The following EXD3 variants were observed in gnomAD, a reference collection of about 807,000 sequenced individuals.
EXD3 encodes exonuclease 3'-5' domain containing 3, also known as exonuclease mut-7 homolog.
A neutral mutation model predicts 98.0 loss-of-function variants in EXD3; 92 were observed. That is an observed-to-expected ratio of 0.94 (90% CI 0.79 to 1.12). The LOEUF is 1.12. Ranked by LOEUF, EXD3 falls within the 50% of genes most tolerant of loss-of-function variation. The probability of loss-of-function intolerance (pLI) is 0.00; values close to 1 mark genes in which losing one functional copy is unlikely to be tolerated. For missense variants in EXD3, 1,222 were observed against 1,191.6 expected (o/e 1.03, Z -0.38); for synonymous variants, 569 against 526.0 (o/e 1.08, Z -1.12).
At chr9:137,410,237 C>G (rs1186209070) in intron 1 of EXD3, among the ~76,000 whole-genome samples, 1 of 151,604 alleles carries the variant, frequency 6.6e-6, no homozygotes, top group Non-Finnish European at 1.5e-5. Context: ...GCAATCCTAG[C>G]ACTGTGGGAG....
chr9:137,378,529 CAG>C (rs1011402550), intron 3 of EXD3, among the ~76,000 whole-genome samples: 3 of 152,140 alleles, frequency 2.0e-5, no homozygotes, highest in Non-Finnish European at 2.9e-5. Flanking sequence ...GATTTAAAAA[CAG>C]GGGCTCACGC....
Position 137,402,550 on chromosome 9 carries a change from C to G in EXD3, c.-47-7146G>C, listed in dbSNP as rs558766070. On this transcript the variant is annotated intron_variant, in intron 1 of 21. Coordinates refer to ENST00000340951, the MANE Select transcript of EXD3 (RefSeq NM_017820.5). ...CCATCTCAGCCTGGACATTATTGTTCATAACACTATCAGCATTTTTGTCAA... is the reference window on the plus strand; with the variant it reads ...CCATCTCAGCCTGGACATTATTGTTGATAACACTATCAGCATTTTTGTCAA... Among the ~76,000 whole-genome samples, 24 of 152,310 alleles carry G rather than the reference C, an allele frequency of 1.6e-4. No individual in the cohort carries two copies. The East Asian group carries it at 4.4e-3, about 28-fold the overall frequency.
intron 1 of EXD3, among the ~76,000 whole-genome samples, chr9:137,404,430 G>A (rs1205728702): frequency 2.0e-5 from 3 of 152,186 alleles, no homozygotes; most frequent in South Asian, 4.1e-4. Context: ...AGCAGGTCTC[G>A]TCCCAGTCTC....
At chr9:137,397,781 A>G (rs891840894) in intron 1 of EXD3, among the ~76,000 whole-genome samples, 1 of 152,126 alleles carries the variant, frequency 6.6e-6, no homozygotes, top group Non-Finnish European at 1.5e-5. Flanking sequence ...AAACTGTACA[A>G]AAAAATTAAA....
At chr9:137,396,628 G>C (rs563292930) in intron 1 of EXD3, among the ~76,000 whole-genome samples, 1 of 152,098 alleles carries the variant, frequency 6.6e-6, no homozygotes, top group Non-Finnish European at 1.5e-5. Flanking sequence ...CGGCCAACAC[G>C]CACCCCTAAA....
At chr9:137,313,193 A>G (rs955942148) in intron 19 of EXD3, among the ~76,000 whole-genome samples, 27 of 152,270 alleles carry the variant, frequency 1.8e-4, no homozygotes, top group African/African-American at 6.0e-4. Context: ...TGCCAGGGCC[A>G]CAGCATGTGG....
rs1477914156 is a variant in EXD3 at position 137,352,320 on chromosome 9, TC to T, written c.1038-120del. Reference sequence around the variant, plus strand: ...TGGGGGCATCTCAGGTCCTGGCTCCTCCTCCCACACCGGCTCAGTCCAGCCC... The same window carrying T: ...TGGGGGCATCTCAGGTCCTGGCTCCTCTCCCACACCGGCTCAGTCCAGCCC... On this transcript the variant is annotated intron_variant, in intron 11 of 21. Coordinates refer to ENST00000340951, the MANE Select transcript of EXD3 (RefSeq NM_017820.5). The T allele has an allele frequency of 4.2e-5, 59 of 1,398,334 alleles. 1 individual carries two copies. Among genetic ancestry groups the T allele is most frequent in the Non-Finnish European group, 4.9e-6 (5 of 1,017,862 alleles). The allele number at this position is 1,398,334 out of a possible 1,614,324, so 86.6% of individuals were successfully genotyped here.
Position 137,324,071 on chromosome 9 carries a change from T to A in EXD3, c.2052+19A>T. On this transcript the variant is annotated intron_variant, in intron 18 of 21. Coordinates refer to ENST00000340951, the MANE Select transcript of EXD3 (RefSeq NM_017820.5). This position sits in a 1 kb window ranked among gnomAD's most constrained non-coding sequence, Gnocchi z 4.1. ...AAGATGGGGCTCAGGCCCACTGAGC[T>A]TATCTTTGGGACACTCACCTTGTGG... The A allele has an allele frequency of 6.3e-7, 1 of 1,579,240 alleles. No individual in the cohort carries two copies. The highest frequency in any genetic ancestry group is 1.2e-5 in the South Asian group (1 of 86,156).
Position 137,306,913 on chromosome 9 carries a change from C to G in EXD3, c.*37G>C. On this transcript the variant is annotated 3_prime_UTR_variant, in exon 22 of 22. Coordinates refer to ENST00000340951, the MANE Select transcript of EXD3 (RefSeq NM_017820.5). The stretch of plus-strand genomic sequence containing the variant: ...AGCCAGTCCACGGCCATGGGCCCAG[C>G]AGTCGGGCACTTTCCATGTTTATTG... The G allele has an allele frequency of 1.3e-6, 2 of 1,523,980 alleles. No homozygotes were observed. Among genetic ancestry groups the G allele is most frequent in the Non-Finnish European group, 1.8e-6 (2 of 1,136,010 alleles). 94.4% of individuals were successfully genotyped at this position (1,523,980 alleles called of 1,614,324 possible).
chr9:137,350,827 G>C (rs958850218), intron 14 of EXD3, among the ~76,000 whole-genome samples: 1 of 152,078 alleles, frequency 6.6e-6, no homozygotes, highest in Non-Finnish European at 1.5e-5. Flanking sequence ...AGGGGCTCAG[G>C]GATGCCTGCA....
rs1296004065 is a variant in EXD3 at position 137,371,479 on chromosome 9, G to A, written c.462+1426C>T. ...TCCAATGCACCTCCTCACGGTGAGGGGTCTTGCTGGGAAGAGGAACCCAGG... is the reference window on the plus strand; with the variant it reads ...TCCAATGCACCTCCTCACGGTGAGGAGTCTTGCTGGGAAGAGGAACCCAGG... On this transcript the variant is annotated intron_variant, in intron 5 of 21. Transcript: ENST00000340951. The surrounding 1 kb of genome is among the most constrained non-coding windows in gnomAD (Gnocchi z 8.0). Among the ~76,000 whole-genome samples, 2 of 152,128 alleles carry A rather than the reference G, an allele frequency of 1.3e-5. No homozygotes were observed. The highest frequency in any genetic ancestry group is 2.4e-5 in the African/African-American group (1 of 41,432).
chr9:137,330,288 A>ACTACACAGGAG (rs1181540006), intron 17 of EXD3, among the ~76,000 whole-genome samples: 1 of 125,444 alleles, frequency 8.0e-6, no homozygotes, highest in Non-Finnish European at 1.6e-5. Flanking sequence ...CTACACAGGA[A>ACTACACAGGAG]CTACACAGGA....
Position 137,309,792 on chromosome 9 carries a change from T to G in EXD3, c.2185-92A>C, listed in dbSNP as rs548540166. 4.2e-6 allele frequency: 4 copies of G among 948,072 alleles called. No homozygotes were observed. The East Asian group carries it at 7.8e-5, about 19-fold the overall frequency. The allele number at this position is 948,072 out of a possible 1,614,324, so 58.7% of individuals were successfully genotyped here. The stretch of plus-strand genomic sequence containing the variant: ...TGCTCGCTCCTCGAAGCTCTGGGTC[T>G]GGCCATGGGGTTTCACAGAGACAGA... On this transcript the variant is annotated intron_variant, in intron 19 of 21. Transcript: ENST00000340951.
At chr9:137,346,969 C>T (rs1422704846) in intron 17 of EXD3, among the ~76,000 whole-genome samples, 3 of 152,158 alleles carry the variant, frequency 2.0e-5, no homozygotes, top group Non-Finnish European at 2.9e-5. Context: ...GCGCCCGCCA[C>T]CACGCCCAGC....
intron 10 of EXD3, 142 bp from the exon 11 acceptor site, chr9:137,352,928 T>A: frequency 2.1e-6 from 3 of 1,431,062 alleles, no homozygotes; most frequent in Non-Finnish European, 2.7e-6. Flanking sequence ...ACCTGAGGCC[T>A]GCAGCATCTG....
chr9:137,322,731 CCACG>C (rs1832121605), intron 19 of EXD3, among the ~76,000 whole-genome samples: 1 of 126,330 alleles, frequency 7.9e-6, no homozygotes, highest in African/African-American at 3.2e-5. Flanking sequence ...CACCCCAGAC[CCACG>C]AGGGATGCTC....
At chr9:137,367,828 C>A (rs933317938) in intron 6 of EXD3, 108 bp downstream of exon 6, 1 of 1,092,782 alleles carries the variant, frequency 9.2e-7, no homozygotes, top group South Asian at 1.4e-5. Context: ...GCCCTGCTGT[C>A]CCCCACTGTG....
At chr9:137,422,769 T>A (rs982657648) in intron 1 of EXD3, among the ~76,000 whole-genome samples, 1 of 151,714 alleles carries the variant, frequency 6.6e-6, no homozygotes, top group South Asian at 2.1e-4. Context: ...CGGGAGCGCC[T>A]CCTCCTCGGC....
In EXD3 at chr9:137,351,134, C is replaced by A; in HGVS notation, c.1398G>T (p.Val466=). ...PSITKLGYGM[V]GDLQKLGTSC... is the part of the protein sequence containing the mutation. ...ACGTGCCCAGTTTTTGCAGGTCCCC[C>A]ACCATCCCGTAGCCTGTGGGCAGGA... is the stretch of plus-strand genomic sequence containing the variant. The change falls in exon 14 of 22, where the codon GTG becomes GTT. Residue 466 remains valine, a synonymous_variant. Transcript: ENST00000340951. 6.3e-7 allele frequency: 1 copy of A among 1,577,934 alleles called. No homozygotes were observed. Among genetic ancestry groups the A allele is most frequent in the Non-Finnish European group, 8.6e-7 (1 of 1,162,688 alleles).
Sources: gnomAD v4.1 joint callset for allele counts (sites outside exome capture counted in the v4.1 genomes callset) on GRCh38, gnomAD v4.1.1 for gene constraint, Gnocchi (gnomAD v3.1) non-coding constraint, MANE v1.5 for transcripts, NCBI Gene and HGNC (gene_info 2026-07-23, HGNC 2026-07-21) for gene names.